CEP192: variants seen among roughly 807,000 people sequenced by gnomAD.
The protein encoded by CEP192 is centrosomal protein 192.
Under a neutral mutation model 271.8 loss-of-function variants are expected in CEP192, and 151 were observed. The observed-to-expected ratio is 0.56, with a 90% CI of 0.49 to 0.64. CEP192 has a LOEUF of 0.64. Among genes scored for constraint, CEP192 ranks in the 30% least tolerant of loss-of-function variants. The probability of loss-of-function intolerance (pLI) is 0.00; values close to 1 mark genes in which losing one functional copy is unlikely to be tolerated. For synonymous variants in CEP192, 995 were observed against 1,076.5 expected, an observed-to-expected ratio of 0.92 and a Z score of 1.48; for missense variants, 2,910 against 3,020.5, an observed-to-expected ratio of 0.96 and a Z score of 0.86.
At chr18:13,031,776 G>C (rs954933132) in intron 11 of CEP192, among the ~76,000 whole-genome samples, 1 of 152,130 alleles carries the variant, frequency 6.6e-6, no homozygotes, top group Non-Finnish European at 1.5e-5. Flanking sequence ...ATTTAGAGAA[G>C]AAACAAATGT....
At chr18:13,088,339 A>G (rs756985778) in intron 32 of CEP192, among the ~76,000 whole-genome samples, 24 of 152,044 alleles carry the variant, frequency 1.6e-4, no homozygotes, top group Non-Finnish European at 2.5e-4. Context: ...AGTCCTCACT[A>G]CTTTGGAGGC....
intron 44 of CEP192, among the ~76,000 whole-genome samples, chr18:13,118,648 T>C (rs3786164): frequency 0.14 from 20,811 of 152,236 alleles, 1,572 homozygotes; most frequent in East Asian, 0.31. Flanking sequence ...TGAATACATC[T>C]AAAAATTATC....
At chr18:13,076,113 C>T (rs2038260310) in intron 30 of CEP192, among the ~76,000 whole-genome samples, 1 of 152,196 alleles carries the variant, frequency 6.6e-6, no homozygotes, top group South Asian at 2.1e-4. Context: ...AAGACAGTTC[C>T]CACCACAAAG....
chr18:12,993,736 T>G (rs1203196693), intron 1 of CEP192, among the ~76,000 whole-genome samples: 1 of 151,874 alleles, frequency 6.6e-6, no homozygotes, highest in Non-Finnish European at 1.5e-5. Flanking sequence ...ACTGGAAACG[T>G]CTCTTAATTC....
At position 13,124,892 on chromosome 18, in the gene CEP192, T is replaced by G; in HGVS notation, c.*122T>G. 2 of 868,764 alleles carry G rather than the reference T, an allele frequency of 2.3e-6. No homozygotes were observed. The highest frequency in any genetic ancestry group is 3.4e-6 in the Non-Finnish European group (2 of 583,634). 53.8% of individuals were successfully genotyped at this position (868,764 alleles called of 1,614,324 possible). ...ATGATGGATATCTATAATTGTAGAT[T>G]TTGTTTTTACAAGCTAATACTGAAG... On this transcript the variant is annotated 3_prime_UTR_variant, in exon 45 of 45. Transcript: ENST00000506447.
chr18:13,095,947 G>A (rs969475102), intron 35 of CEP192, among the ~76,000 whole-genome samples: 1 of 152,194 alleles, frequency 6.6e-6, no homozygotes, highest in Non-Finnish European at 1.5e-5. Context: ...TTGGTTCAGA[G>A]TAGAGTGAAT....
At position 13,053,009 on chromosome 18, in the gene CEP192, G is replaced by A. The variant is rs768568235; in HGVS notation, c.3108G>A (p.Gly1036=). Residue 1036 remains glycine (G), a synonymous_variant, in exon 18 of 45, where the codon GGG becomes GGA. Coordinates refer to ENST00000506447, the MANE Select transcript of CEP192 (RefSeq NM_032142.4). ...ELSPLVCSPA[G]VSRLTYVSEP... ...CTCCCTTGGTGTGCTCGCCTGCTGGGGTGAGCAGGCTGACGTATGTGTCTG... is the reference window on the plus strand; with the variant it reads ...CTCCCTTGGTGTGCTCGCCTGCTGGAGTGAGCAGGCTGACGTATGTGTCTG... 55 of 1,613,828 alleles carry A rather than the reference G, an allele frequency of 3.4e-5. No homozygotes were observed. The South Asian group carries it at 5.8e-4, about 17-fold the overall frequency.
chr18:13,068,191 GC>G lies in CEP192; in HGVS notation c.4715del (p.Pro1572LeufsTer7), dbSNP rs2037816266. 1 of 1,614,140 alleles carries G rather than the reference GC, an allele frequency of 6.2e-7. No individual in the cohort carries two copies. Among genetic ancestry groups the G allele is most frequent in the African/African-American group, 1.3e-5 (1 of 74,944 alleles). On this transcript the variant is annotated frameshift_variant, in exon 23 of 45. Coordinates refer to ENST00000506447, the MANE Select transcript of CEP192 (RefSeq NM_032142.4). LOFTEE classifies it high-confidence loss of function. ...PCADVVTRLA[G>X]PSVVNHMMPA... The stretch of plus-strand genomic sequence containing the variant: ...GCTGATGTGGTCACTCGGCTAGCAG[GC>G]CCTTCTGTGGTCAACCACATGATGC...
At position 13,087,561 on chromosome 18, in the gene CEP192, A is replaced by G. The variant is rs572737570; in HGVS notation, c.5908A>G (p.Arg1970Gly). Residue 1970 changes from arginine (R) to glycine (G), a missense_variant, in exon 32 of 45, where the codon AGA becomes GGA. Coordinates refer to ENST00000506447, the MANE Select transcript of CEP192 (RefSeq NM_032142.4). ...NVTLIYNPSDRGINNKTATEL... is the reference protein window; with the variant it reads ...NVTLIYNPSDGGINNKTATEL... The stretch of plus-strand genomic sequence containing the variant: ...TACTTTAATATATAATCCATCAGAC[A>G]GAGGAATCAATAATAAAACTGCAAC... The G allele has an allele frequency of 1.9e-5, 30 of 1,554,734 alleles. No homozygotes were observed. The South Asian group carries it at 2.8e-4, about 15-fold the overall frequency.
At chr18:13,001,181 C>G (rs2033620304) in intron 2 of CEP192, among the ~76,000 whole-genome samples, 1 of 152,150 alleles carries the variant, frequency 6.6e-6, no homozygotes, top group Non-Finnish European at 1.5e-5. Flanking sequence ...TAGTGAGGAG[C>G]ACCATCTTGA....
At chr18:13,118,051 A>G (rs910762612) in intron 44 of CEP192, among the ~76,000 whole-genome samples, 14 of 152,164 alleles carry the variant, frequency 9.2e-5, no homozygotes, top group Admixed American at 2.0e-4. Flanking sequence ...TAATTGGGAA[A>G]ACTTTTATTG....
intron 15 of CEP192, among the ~76,000 whole-genome samples, chr18:13,047,744 G>T (rs1230434740): frequency 6.6e-6 from 1 of 152,040 alleles, no homozygotes; most frequent in Non-Finnish European, 1.5e-5. Flanking sequence ...TAACTGTTGG[G>T]CCTATTTCAG....
chr18:13,065,896 A>G (rs1456525935), intron 21 of CEP192, among the ~76,000 whole-genome samples: 1 of 152,236 alleles, frequency 6.6e-6, no homozygotes, highest in African/African-American at 2.4e-5. Context: ...CAACACCATC[A>G]AGTGCATTTA....
chr18:13,071,128 C>T lies in CEP192; in HGVS notation c.5264C>T (p.Ser1755Leu), dbSNP rs1598509826. Residue 1755 changes from serine (S) to leucine (L), a missense_variant, in exon 28 of 45, where the codon TCA (serine) becomes TTA (leucine). Ser to Leu is a moderately radical substitution (Grantham distance 145). Coordinates refer to ENST00000506447, the MANE Select transcript of CEP192 (RefSeq NM_032142.4). ...ATTTCTTCAGGAAGTAAACCTCTGT[C>T]ACCTGGACCTTGCTTAGATATTCCA... ...EVISSGSKPL[S>L]PGPCLDIPSI... is the part of the protein sequence containing the mutation. 3 of 1,613,958 alleles carry T rather than the reference C, an allele frequency of 1.9e-6. No homozygotes were observed. Among genetic ancestry groups the T allele is most frequent in the Non-Finnish European group, 2.5e-6 (3 of 1,179,932 alleles).
Position 13,040,884 on chromosome 18 carries a change from A to G in CEP192, c.1864A>G (p.Ile622Val). The G allele has an allele frequency of 6.2e-7, 1 of 1,606,504 alleles. No homozygotes were observed. ...AGAGAAGAGAGAACCTATTGCCTTA[A>G]TAAGAAAATCTGATGTATCAAGAGG... is the stretch of plus-strand genomic sequence containing the variant. Reference protein sequence around the residue: ...SPEKREPIALIRKSDVSRGNL... With the variant: ...SPEKREPIALVRKSDVSRGNL... The change falls in exon 14 of 45, where the codon ATA becomes GTA. Residue 622 changes from isoleucine (I) to valine (V), a missense_variant. Physicochemically the swap from Ile to Val is conservative, Grantham distance 29. Coordinates refer to ENST00000506447, the MANE Select transcript of CEP192 (RefSeq NM_032142.4).
At chr18:12,998,403 G>T (rs1233919943) in intron 1 of CEP192, among the ~76,000 whole-genome samples, 1 of 152,176 alleles carries the variant, frequency 6.6e-6, no homozygotes, top group African/African-American at 2.4e-5. Context: ...GTGGATTTTC[G>T]AGTCAGACCT....
At chr18:13,114,781 A>G (rs1259908952) in intron 42 of CEP192, among the ~76,000 whole-genome samples, 1 of 152,254 alleles carries the variant, frequency 6.6e-6, no homozygotes, top group Non-Finnish European at 1.5e-5. Flanking sequence ...GCGAGGTCAC[A>G]TGATAACCAT....
chr18:13,024,397 T>C (rs1283999309), intron 9 of CEP192: 3 of 447,948 alleles, frequency 6.7e-6, no homozygotes, highest in Non-Finnish European at 1.3e-5. Flanking sequence ...GTAGACGTCA[T>C]ATACTTAGGT....
At chr18:13,049,924 A>C (rs1271658985) in intron 17 of CEP192, 33 bp downstream of exon 17, 7 of 1,576,302 alleles carry the variant, frequency 4.4e-6, no homozygotes. Context: ...AAAAAATAAA[A>C]ATATGCGTTC....
Sources: gnomAD v4.1 joint callset for allele counts (sites outside exome capture counted in the v4.1 genomes callset) on GRCh38, gnomAD v4.1.1 for gene constraint, MANE v1.5 for transcripts, NCBI Gene and HGNC (gene_info 2026-07-23, HGNC 2026-07-21) for gene names.